The following JAK2 variants were observed in gnomAD, a reference collection of about 807,000 sequenced individuals.
JAK2 encodes the protein tyrosine-protein kinase JAK2.
Under a neutral mutation model 139.3 loss-of-function variants are expected in JAK2, and 86 were observed. The observed-to-expected ratio is 0.62, with a 90% CI of 0.52 to 0.74. The LOEUF is 0.74. Among genes scored for constraint, JAK2 ranks in the 30% least tolerant of loss-of-function variants. The pLI, the probability that JAK2 is intolerant of heterozygous loss-of-function variation, is 0.00. For missense variants in JAK2, 1,421 were observed against 1,360.3 expected (o/e 1.04, Z -0.70); for synonymous variants, 490 against 437.7 (o/e 1.12, Z -1.49).
At chr9:5,101,304 CGTGAGGCAGCA>C (rs1821464601) in intron 22 of JAK2, among the ~76,000 whole-genome samples, 1 of 152,220 alleles carries the variant, frequency 6.6e-6, no homozygotes, top group Non-Finnish European at 1.5e-5. Context: ...AAGATCCACC[CGTGAGGCAGCA>C]GCCTGGCAGG....
chr9:5,061,159 CTT>C (rs1818145522), intron 8 of JAK2, among the ~76,000 whole-genome samples: 1 of 152,318 alleles, frequency 6.6e-6, no homozygotes. Context: ...GCAGAGTAGA[CTT>C]AGCATAATTC....
At chr9:5,080,999 C>T (rs1306441557) in intron 18 of JAK2, among the ~76,000 whole-genome samples, 7 of 150,112 alleles carry the variant, frequency 4.7e-5, no homozygotes, top group South Asian at 4.2e-4. Flanking sequence ...AGGTTCACGC[C>T]ATTCTCCTGC....
At chr9:5,106,461 A>G (rs975032217) in intron 22 of JAK2, among the ~76,000 whole-genome samples, 1 of 152,240 alleles carries the variant, frequency 6.6e-6, no homozygotes, top group African/African-American at 2.4e-5. Context: ...AGTAGTGTAA[A>G]CTAGTTCAAC....
At chr9:5,026,016 T>C (rs1476642000) in intron 3 of JAK2, among the ~76,000 whole-genome samples, 1 of 152,220 alleles carries the variant, frequency 6.6e-6, no homozygotes, top group African/African-American at 2.4e-5. Context: ...TGCCTCTTTT[T>C]TTCTTATTAT....
intron 2 of JAK2, among the ~76,000 whole-genome samples, chr9:5,016,022 T>C (rs1309517425): frequency 4.6e-5 from 7 of 152,222 alleles, no homozygotes; most frequent in Admixed American, 2.0e-4. Context: ...GAAGTAGGCA[T>C]TGGAGACAGT....
chr9:5,064,768 G>C (rs760120007), intron 8 of JAK2, 115 bp from the exon 9 acceptor site: 173 of 691,278 alleles, frequency 2.5e-4, no homozygotes, highest in African/African-American at 1.4e-3. Flanking sequence ...AGCCATAAAA[G>C]ATATGAGCAA....
chr9:5,035,267 G>A (rs1254904250), intron 4 of JAK2, among the ~76,000 whole-genome samples: 1 of 152,152 alleles, frequency 6.6e-6, no homozygotes, highest in African/African-American at 2.4e-5. Flanking sequence ...AAAAAGTCCA[G>A]GACCAGATGG....
At chr9:5,028,379 C>T (rs990739858) in intron 3 of JAK2, among the ~76,000 whole-genome samples, 2 of 152,168 alleles carry the variant, frequency 1.3e-5, no homozygotes, top group Non-Finnish European at 2.9e-5. Flanking sequence ...GTGCTATCTT[C>T]TAGGCTTTGT....
At chr9:5,056,349 C>G (rs1345415408) in intron 8 of JAK2, among the ~76,000 whole-genome samples, 3 of 151,936 alleles carry the variant, frequency 2.0e-5, no homozygotes, top group Non-Finnish European at 2.9e-5. Flanking sequence ...ATACTTTGCT[C>G]TTAAGTTTCT....
intron 8 of JAK2, among the ~76,000 whole-genome samples, chr9:5,059,115 G>A (rs563780310): frequency 6.6e-6 from 1 of 152,038 alleles, no homozygotes; most frequent in South Asian, 2.1e-4. Flanking sequence ...CTAATCTTAC[G>A]TGTATAGCTC....
At position 5,112,802 on chromosome 9, in the gene JAK2, G is replaced by A. The variant is rs976951213; in HGVS notation, c.3060-10202G>A. The stretch of plus-strand genomic sequence containing the variant: ...AGGCCCCCAGATGGTGCTTTCAGCT[G>A]CCCACCTGGGCTTGAGTGAAGCCCA... On this transcript the variant is annotated intron_variant, in intron 22 of 24. Coordinates refer to ENST00000381652, the MANE Select transcript of JAK2 (RefSeq NM_004972.4). The A allele has an allele frequency of 2.4e-5, 13 of 543,780 alleles. No homozygotes were observed. In the African/African-American group the frequency reaches 2.5e-4, roughly 10 times the overall value. 33.7% of individuals were successfully genotyped at this position (543,780 alleles called of 1,614,324 possible).
chr9:4,988,433 A>G (rs745627769), intron 2 of JAK2, among the ~76,000 whole-genome samples: 3 of 152,248 alleles, frequency 2.0e-5, no homozygotes, highest in Admixed American at 2.0e-4. Context: ...GATAAGTTCT[A>G]CAGTGCTCTA....
intron 5 of JAK2, among the ~76,000 whole-genome samples, chr9:5,044,798 T>C (rs932803407): frequency 6.6e-6 from 1 of 152,218 alleles, no homozygotes; most frequent in Non-Finnish European, 1.5e-5. Context: ...TCGCAAAGTA[T>C]AGACTGAGGT....
At chr9:5,041,137 C>T in intron 4 of JAK2, 3 of 1,029,902 alleles carry the variant, frequency 2.9e-6, no homozygotes, top group Non-Finnish European at 4.4e-6. Flanking sequence ...TCCTGATCGC[C>T]ATCCGGCTGA....
At chr9:5,069,900 A>C in intron 11 of JAK2, 25 bp from the exon 12 acceptor site, 1 of 1,496,650 alleles carries the variant, frequency 6.7e-7, no homozygotes, top group Non-Finnish European at 9.2e-7. Flanking sequence ...TTTTGAAGTG[A>C]TATATATGTA....
intron 4 of JAK2, among the ~76,000 whole-genome samples, chr9:5,037,916 T>TTAGTGA (rs1233818811): frequency 1.3e-5 from 2 of 152,074 alleles, no homozygotes; most frequent in African/African-American, 4.8e-5. Flanking sequence ...AAACATAAGG[T>TTAGTGA]TAGTATTCTT....
At chr9:5,103,644 A>C (rs1821709186) in intron 22 of JAK2, among the ~76,000 whole-genome samples, 1 of 152,216 alleles carries the variant, frequency 6.6e-6, no homozygotes, top group African/African-American at 2.4e-5. Flanking sequence ...CATCACACTT[A>C]TTCCAAAATA....
chr9:5,004,277 C>A (rs1821125565), intron 2 of JAK2, among the ~76,000 whole-genome samples: 1 of 152,122 alleles, frequency 6.6e-6, no homozygotes, highest in South Asian at 2.1e-4. Flanking sequence ...CCAACGTCTC[C>A]CATTCCTCCT....
intron 22 of JAK2, chr9:5,110,662 C>T (rs548530872): frequency 8.3e-6 from 2 of 240,914 alleles, no homozygotes; most frequent in Non-Finnish European, 1.7e-5. Flanking sequence ...ACCACAAATA[C>T]TGTCATATAC....
Sources: allele counts gnomAD v4.1 joint callset (sites outside exome capture counted in the v4.1 genomes callset), GRCh38; gene constraint gnomAD v4.1.1; transcripts MANE v1.5; gene names NCBI Gene and HGNC (gene_info 2026-07-23, HGNC 2026-07-21).